PRMT3: variants seen among roughly 807,000 people sequenced by gnomAD.
PRMT3 encodes protein arginine N-methyltransferase 3.
Under a neutral mutation model 71.9 loss-of-function variants are expected in PRMT3, and 62 were observed. The ratio of observed to expected loss-of-function variants is 0.86; its 90% CI spans 0.70 to 1.07. The LOEUF is 1.07. PRMT3 is among the 50% of genes least tolerant of loss of function. PRMT3 has a pLI of 0.00. For missense variants in PRMT3, 663 were observed against 643.0 expected (o/e 1.03, Z -0.34); for synonymous variants, 213 against 220.4 (o/e 0.97, Z 0.30).
rs753019374 is a variant in PRMT3 at position 20,387,978 on chromosome 11, C to T, written c.29-41C>T. On this transcript the variant is annotated intron_variant, in intron 1 of 15. Transcript: ENST00000331079. This position sits in a 1 kb window ranked among gnomAD's most constrained non-coding sequence, Gnocchi z 4.3. The stretch of plus-strand genomic sequence containing the variant: ...TGCTCCTCGAGCCCCCGGGCCGCAC[C>T]GGTGTCCGAGGCCGATCTGATTGTT... 6.2e-7 allele frequency: 1 copy of T among 1,611,802 alleles called. No homozygotes were observed. Among genetic ancestry groups the T allele is most frequent in the Non-Finnish European group, 8.5e-7 (1 of 1,178,784 alleles).
chr11:20,501,486 A>G (rs1851457091), intron 15 of PRMT3, among the ~76,000 whole-genome samples: 2 of 152,162 alleles, frequency 1.3e-5, no homozygotes, highest in Non-Finnish European at 2.9e-5. Context: ...GAGCAGGTTA[A>G]TATTCAAACT....
intron 15 of PRMT3, among the ~76,000 whole-genome samples, chr11:20,496,106 C>A (rs1851325796): frequency 6.6e-6 from 1 of 152,128 alleles, no homozygotes; most frequent in Admixed American, 6.5e-5. Context: ...TCTCCCACAA[C>A]ATATGTAAAA....
rs1268345891 is a variant in PRMT3, at chr11:20,464,534, A to G, written c.1335A>G (p.Thr445=). The change falls in exon 13 of 16, where the codon ACA becomes ACG. Residue 445 remains threonine, a synonymous_variant. Transcript: ENST00000331079. ...ATTTTACCCTGAAAATCACAAGGAC[A>G]TCCATGTGCACGGTAAGCTATTTCA... is the stretch of plus-strand genomic sequence containing the variant. ...SSDFTLKITR[T]SMCTAIAGYF... 3 of 1,612,170 alleles carry G rather than the reference A, an allele frequency of 1.9e-6. No homozygotes were observed. Among genetic ancestry groups the G allele is most frequent in the Non-Finnish European group, 2.5e-6 (3 of 1,179,266 alleles).
chr11:20,488,030 C>A (rs1471671813), intron 13 of PRMT3, among the ~76,000 whole-genome samples: 1 of 152,078 alleles, frequency 6.6e-6, no homozygotes. Flanking sequence ...TTTTTTACCA[C>A]CACTCAATCT....
At chr11:20,415,773 C>T (rs1018697196) in intron 9 of PRMT3, among the ~76,000 whole-genome samples, 2 of 152,194 alleles carry the variant, frequency 1.3e-5, no homozygotes, top group Non-Finnish European at 2.9e-5. Flanking sequence ...CAACCTGCTT[C>T]ATCTAAACCT....
In PRMT3 at chr11:20,462,181, C is replaced by A; in HGVS notation, c.1260+14C>A. The A allele has an allele frequency of 1.3e-6, 2 of 1,536,966 alleles. No individual in the cohort carries two copies. The highest frequency in any genetic ancestry group is 1.8e-6 in the Non-Finnish European group (2 of 1,133,110). On this transcript the variant is annotated intron_variant, in intron 12 of 15. Coordinates refer to ENST00000331079, the MANE Select transcript of PRMT3 (RefSeq NM_005788.4). ...TGTGGTATTAAGGTAGGTGTTTTAC[C>A]AACTTTATTTTTTATAATGGTATTG...
chr11:20,416,120 C>T (rs1590047595), intron 9 of PRMT3, among the ~76,000 whole-genome samples: 2 of 152,128 alleles, frequency 1.3e-5, no homozygotes, highest in Admixed American at 6.5e-5. Context: ...TGAATTAATG[C>T]ATCTGCACTT....
chr11:20,493,991 A>AT (rs1851273831), intron 14 of PRMT3, 22 bp downstream of exon 14: 7 of 1,527,746 alleles, frequency 4.6e-6, no homozygotes, highest in Non-Finnish European at 6.3e-6. Context: ...GAATTATCTC[A>AT]TAAGAATTAA....
chr11:20,464,269 C>G (rs1850453631), intron 12 of PRMT3, among the ~76,000 whole-genome samples, 191 bp from the exon 13 acceptor site: 2 of 152,088 alleles, frequency 1.3e-5, no homozygotes, highest in Non-Finnish European at 2.9e-5. Flanking sequence ...GATGATAGTA[C>G]TAGTACTCCT....
At chr11:20,453,980 C>T (rs751821112) in intron 11 of PRMT3, among the ~76,000 whole-genome samples, 1 of 152,170 alleles carries the variant, frequency 6.6e-6, no homozygotes, top group African/African-American at 2.4e-5. Flanking sequence ...GATACATAAA[C>T]TGTAACATTT....
Position 20,388,082 on chromosome 11 carries a change from C to T in PRMT3, c.92C>T (p.Ala31Val). Reference protein sequence around the residue: ...LPELSDSGDEAAWEDEDDADL... With the variant: ...LPELSDSGDEVAWEDEDDADL... ...GAACTGTCGGACAGCGGGGACGAGG[C>T]CGCCTGGGAGGATGAGGACGATGCA... Residue 31 changes from alanine to valine, a missense_variant, in exon 2 of 16, where the codon GCC (alanine) becomes GTC (valine). Coordinates refer to ENST00000331079, the MANE Select transcript of PRMT3 (RefSeq NM_005788.4). The T allele has an allele frequency of 6.2e-7, 1 of 1,614,042 alleles. No individual in the cohort carries two copies. The highest frequency in any genetic ancestry group is 8.5e-7 in the Non-Finnish European group (1 of 1,179,992).
At chr11:20,499,638 A>G (rs1851412379) in intron 15 of PRMT3, among the ~76,000 whole-genome samples, 1 of 152,126 alleles carries the variant, frequency 6.6e-6, no homozygotes, top group African/African-American at 2.4e-5. Flanking sequence ...AAAAAAAATT[A>G]AATTTTTTTA....
rs377570784 is a variant in PRMT3 at position 20,415,017 on chromosome 11, G to GGTGTGTGTGTGT, written c.893+7012_893+7023dup. Among the ~76,000 whole-genome samples, 470 of 135,422 alleles carry GGTGTGTGTGTGT rather than the reference G, an allele frequency of 3.5e-3. 3 individuals are homozygous for GGTGTGTGTGTGT. Among genetic ancestry groups the GGTGTGTGTGTGT allele is most frequent in the African/African-American group, 0.01 (390 of 38,356 alleles). The allele number at this position is 135,422 out of a possible 152,430, so 88.8% of individuals were successfully genotyped here. A position where few individuals can be genotyped will look rare whatever the true frequency, so the allele number is the denominator to read the frequency against. On this transcript the variant is annotated intron_variant, in intron 9 of 15. Transcript: ENST00000331079. ...TTTTAAAGACAGTGGTGGTGGTAGT[G>GGTGTGTGTGTGT]GTGTGTGTGTGTGTGTGTGTGTGTG...
chr11:20,402,864 AATTT>A (rs770791860), intron 7 of PRMT3, 51 bp from the exon 8 acceptor site: 157 of 1,411,756 alleles, frequency 1.1e-4, no homozygotes, highest in Non-Finnish European at 1.5e-4. Context: ...TCCCTTAAAA[AATTT>A]ATTTGTTTAG....
chr11:20,477,555 C>A (rs1590095106), intron 13 of PRMT3, among the ~76,000 whole-genome samples: 9 of 148,718 alleles, frequency 6.1e-5, no homozygotes, highest in South Asian at 2.1e-4. Flanking sequence ...GATTCCGTCT[C>A]AAAAAAAAAA....
chr11:20,388,771 T>C (rs556994138), intron 2 of PRMT3, among the ~76,000 whole-genome samples: 7 of 152,386 alleles, frequency 4.6e-5, no homozygotes, highest in African/African-American at 1.4e-4. Context: ...GTCACAAAGC[T>C]GTGGTGTGCT....
Position 20,508,389 on chromosome 11 carries a change from A to C in PRMT3, c.1572A>C (p.Ser524=), listed in dbSNP as rs1485635171. ...SLTVTLTLNN[S]TQTYGLQ ...CCGTGACCCTCACGTTGAATAATTC[A>C]ACTCAAACTTATGGTCTCCAGTGAA... The change falls in exon 16 of 16, where the codon TCA becomes TCC. Residue 524 remains serine, a synonymous_variant. Transcript: ENST00000331079. 6.2e-6 allele frequency: 10 copies of C among 1,606,796 alleles called. No individual in the cohort carries two copies. The highest frequency in any genetic ancestry group is 7.7e-6 in the Non-Finnish European group (9 of 1,173,554).
chr11:20,445,349 T>C (rs1850001837), intron 10 of PRMT3, among the ~76,000 whole-genome samples: 1 of 152,092 alleles, frequency 6.6e-6, no homozygotes, highest in African/African-American at 2.4e-5. Context: ...GAAGAGTTAG[T>C]CTCCTTCCCT....
At chr11:20,396,606 C>A (rs1848830920) in intron 6 of PRMT3, among the ~76,000 whole-genome samples, 1 of 152,036 alleles carries the variant, frequency 6.6e-6, no homozygotes, top group Non-Finnish European at 1.5e-5. Context: ...CCACTGTACT[C>A]CAGCCTGGGC....
Sources: allele counts gnomAD v4.1 joint callset (sites outside exome capture counted in the v4.1 genomes callset), GRCh38; gene constraint gnomAD v4.1.1; non-coding constraint Gnocchi (gnomAD v3.1); transcripts MANE v1.5; gene names NCBI Gene and HGNC (gene_info 2026-07-23, HGNC 2026-07-21).